The following ST7 variants were observed in gnomAD, a reference collection of about 807,000 sequenced individuals.
ST7 encodes the protein suppressor of tumorigenicity 7 protein.
A neutral mutation model predicts 78.7 loss-of-function variants in ST7; 28 were observed. That is an observed-to-expected ratio of 0.36 (90% confidence interval 0.26 to 0.49). The LOEUF is 0.49. Among genes scored for constraint, ST7 ranks in the 20% least tolerant of loss-of-function variants. The pLI, the probability that ST7 is intolerant of heterozygous loss-of-function variation, is 0.99. For missense variants in ST7, 418 were observed against 696.0 expected (o/e 0.60, Z 4.49); for synonymous variants, 247 against 249.6 (o/e 0.99, Z 0.10).
chr7:117,010,021 CA>C (rs1207545276), intron 1 of ST7, among the ~76,000 whole-genome samples: 1 of 152,182 alleles, frequency 6.6e-6, no homozygotes, highest in African/African-American at 2.4e-5. Flanking sequence ...TTTGGTTAAG[CA>C]GATCTTTTAT....
chr7:116,994,516 G>A (rs1794563177), intron 1 of ST7, among the ~76,000 whole-genome samples: 1 of 152,122 alleles, frequency 6.6e-6, no homozygotes, highest in Admixed American at 6.5e-5. Context: ...ATTGACTAAG[G>A]AAACAACTAT....
intron 1 of ST7, among the ~76,000 whole-genome samples, chr7:116,955,555 T>G (rs1468261132): frequency 6.6e-6 from 1 of 152,230 alleles, no homozygotes; most frequent in Non-Finnish European, 1.5e-5. Flanking sequence ...CTTTCAACAC[T>G]TTTGCACTTG....
At chr7:117,014,844 G>A (rs577488737) in intron 1 of ST7, 11 of 454,604 alleles carry the variant, frequency 2.4e-5, no homozygotes, top group East Asian at 3.7e-5. Flanking sequence ...GAGCCCAGCC[G>A]TTGCCGCTTG....
intron 1 of ST7, chr7:116,968,372 C>T: frequency 2.4e-6 from 1 of 419,112 alleles, no homozygotes; most frequent in Non-Finnish European, 4.8e-6. Context: ...CCTTCTTCTT[C>T]CTTCTTTTTG....
chr7:117,161,828 G>A (rs1807181307), intron 9 of ST7, among the ~76,000 whole-genome samples: 1 of 151,920 alleles, frequency 6.6e-6, no homozygotes, highest in Non-Finnish European at 1.5e-5. Flanking sequence ...TCAAACTCCT[G>A]ACCTCAAATT....
chr7:117,184,700 G>A (rs1809083571), intron 10 of ST7, among the ~76,000 whole-genome samples: 1 of 152,160 alleles, frequency 6.6e-6, no homozygotes, highest in South Asian at 2.1e-4. Context: ...CTATATCTTG[G>A]TGTGTTTACA....
chr7:117,016,599 T>G (rs1394315903), intron 1 of ST7, among the ~76,000 whole-genome samples: 1 of 152,180 alleles, frequency 6.6e-6, no homozygotes, highest in Non-Finnish European at 1.5e-5. Context: ...AACTAAGAAC[T>G]TTAGTGTGAA....
chr7:117,033,733 A>G (rs1375911022), intron 1 of ST7, among the ~76,000 whole-genome samples: 11 of 151,820 alleles, frequency 7.2e-5, no homozygotes, highest in Non-Finnish European at 1.5e-4. Flanking sequence ...CTCATCCTGT[A>G]TTTTTTAATG....
At chr7:117,175,199 A>G (rs1172946351) in intron 10 of ST7, among the ~76,000 whole-genome samples, 2 of 152,142 alleles carry the variant, frequency 1.3e-5, no homozygotes, top group Admixed American at 6.5e-5. Context: ...AGATTTATTT[A>G]TCTTTCTCTT....
chr7:117,087,587 TACTA>T (rs1272925255), intron 1 of ST7, among the ~76,000 whole-genome samples: 1 of 152,240 alleles, frequency 6.6e-6, no homozygotes, highest in Non-Finnish European at 1.5e-5. Flanking sequence ...ATAATTTACT[TACTA>T]ACTCATTCAA....
intron 12 of ST7, among the ~76,000 whole-genome samples, chr7:117,200,356 C>T (rs1014008403): frequency 6.6e-6 from 1 of 152,066 alleles, no homozygotes; most frequent in African/African-American, 2.4e-5. Context: ...TGAGGTCCCA[C>T]CCATAGAGGA....
At chr7:117,116,351 T>C (rs1026702537) in intron 2 of ST7, among the ~76,000 whole-genome samples, 1 of 152,190 alleles carries the variant, frequency 6.6e-6, no homozygotes, top group Non-Finnish European at 1.5e-5. Context: ...TATGAGAGCT[T>C]TGCTGTTTAC....
intron 10 of ST7, among the ~76,000 whole-genome samples, chr7:117,183,390 AC>A (rs973166572): frequency 2.0e-5 from 3 of 151,614 alleles, no homozygotes; most frequent in Non-Finnish European, 4.4e-5. Flanking sequence ...GTGCTACTGC[AC>A]TCCAGCCTGG....
At chr7:117,027,863 G>A (rs1323106689) in intron 1 of ST7, among the ~76,000 whole-genome samples, 1 of 152,184 alleles carries the variant, frequency 6.6e-6, no homozygotes, top group African/African-American at 2.4e-5. Context: ...CCAGAGTGTA[G>A]CAGGGTACCT....
chr7:117,107,627 T>C (rs1401185828), intron 2 of ST7, among the ~76,000 whole-genome samples: 3 of 148,496 alleles, frequency 2.0e-5, no homozygotes, highest in Non-Finnish European at 3.0e-5. Flanking sequence ...TTTTTTTTTT[T>C]TTGAGACAGA....
intron 2 of ST7, among the ~76,000 whole-genome samples, chr7:117,110,756 G>A (rs922106657): frequency 6.6e-6 from 1 of 152,196 alleles, no homozygotes; most frequent in African/African-American, 2.4e-5. Context: ...CCTAATGGTT[G>A]TTTTCCTTTT....
At chr7:116,962,326 GTAT>G (rs1320194570) in intron 1 of ST7, among the ~76,000 whole-genome samples, 9 of 152,176 alleles carry the variant, frequency 5.9e-5, no homozygotes, top group Admixed American at 2.6e-4. Flanking sequence ...TGGTTAAATG[GTAT>G]TATTTCTAGT....
rs1389471184 is a variant in ST7, at chr7:117,031,880, ATATT to A, written c.152-67880_152-67877del. ...TATCTATCTATCTATCTATATATATATATTTTTTTTTTTTTTTTGGCAATGGAGT... is the reference window on the plus strand; with the variant it reads ...TATCTATCTATCTATCTATATATATATTTTTTTTTTTTTTGGCAATGGAGT... On this transcript the variant is annotated intron_variant, in intron 1 of 15. Coordinates refer to ENST00000323984, the MANE Select transcript of ST7 (RefSeq NM_001369598.1). Among the ~76,000 whole-genome samples, 39 of 136,488 alleles carry A rather than the reference ATATT, an allele frequency of 2.9e-4. 3 individuals are homozygous for A. The highest frequency in any genetic ancestry group is 8.8e-4 in the East Asian group (4 of 4,528). The allele number at this position is 136,488 out of a possible 152,430, so 89.5% of individuals were successfully genotyped here.
At chr7:117,224,549 C>A (rs1161336102) in intron 15 of ST7, among the ~76,000 whole-genome samples, 1 of 152,074 alleles carries the variant, frequency 6.6e-6, no homozygotes, top group Non-Finnish European at 1.5e-5. Flanking sequence ...TTTATGTTTT[C>A]TGTTTTTCTG....
Sources: gnomAD v4.1 joint callset for allele counts (sites outside exome capture counted in the v4.1 genomes callset) on GRCh38, gnomAD v4.1.1 for gene constraint, MANE v1.5 for transcripts, NCBI Gene and HGNC (gene_info 2026-07-23, HGNC 2026-07-21) for gene names.